PDZD9: variants seen among roughly 807,000 people sequenced by gnomAD.
PDZD9 encodes PDZ domain containing 9, also known as PDZ domain-containing protein 9.
PDZD9 carries 13 observed loss-of-function variants against 16.3 expected under a neutral mutation model. That is an observed-to-expected ratio of 0.80 (90% CI 0.52 to 1.27). The LOEUF (loss-of-function observed/expected upper bound fraction) is 1.27, where lower values mean the gene tolerates loss of function less well. Among genes scored for constraint, PDZD9 ranks in the 50% most tolerant of loss-of-function variants. PDZD9 has a pLI of 0.00. For synonymous variants in PDZD9, 120 were observed against 111.0 expected (o/e 1.08, Z -0.51); for missense variants, 288 against 310.9 (o/e 0.93, Z 0.55).
In PDZD9 at chr16:22,001,040, T is replaced by G; in HGVS notation, c.8A>C (p.Lys3Thr). 6.5e-7 allele frequency: 1 copy of G among 1,532,248 alleles called. No homozygotes were observed. Among genetic ancestry groups the G allele is most frequent in the Non-Finnish European group, 8.7e-7 (1 of 1,145,476 alleles). 94.9% of individuals were successfully genotyped at this position (1,532,248 alleles called of 1,614,324 possible). A position where few individuals can be genotyped will look rare whatever the true frequency, so the allele number is the denominator to read the frequency against. The change falls in exon 1 of 4, where the codon AAG (lysine) becomes ACG (threonine). Residue 3 changes from lysine (K) to threonine (T), a missense_variant. By Grantham distance (78) the Lys-to-Thr change is moderately conservative. Transcript: ENST00000424898. MQKASHKNKKERG... is the reference protein window; with the variant it reads MQTASHKNKKERG... ...ACCTTTTTTGTTTTTGTGGGAGGCC[T>G]TCTGCATGGTCCCGGGAGGTCAGGC...
At chr16:21,965,396 C>T in the PDZD9 span, 1 of 1,612,774 alleles carries the variant, frequency 6.2e-7, no homozygotes, top group Non-Finnish European at 8.5e-7. Context: ...TGCTTCTTCA[C>T]TTATCTCACA....
chr16:21,974,662 T>C, the PDZD9 span, among the ~76,000 whole-genome samples: 2 of 152,134 alleles, frequency 1.3e-5, no homozygotes, highest in Non-Finnish European at 2.9e-5. Flanking sequence ...TAGTGGAGCT[T>C]AGACATTCAA....
chr16:21,965,285 C>T, the PDZD9 span: 15 of 770,322 alleles, frequency 1.9e-5, no homozygotes, highest in Admixed American at 2.0e-4. Flanking sequence ...AATTTTAAGT[C>T]CTCTTAACAT....
chr16:22,000,930 G>A lies in PDZD9; in HGVS notation c.31+87C>T, dbSNP rs760925207. Reference sequence around the variant, plus strand: ...AGAGAGGTTATCTCCCAGGCCAAGAGTGCACCGTTGCCATTTTACAGAGGA... The same window carrying A: ...AGAGAGGTTATCTCCCAGGCCAAGAATGCACCGTTGCCATTTTACAGAGGA... On this transcript the variant is annotated intron_variant, in intron 1 of 3. Transcript: ENST00000424898. 1.4e-4 allele frequency: 189 copies of A among 1,370,376 alleles called. 2 individuals carry two copies. Among genetic ancestry groups the A allele is most frequent in the Non-Finnish European group, 3.6e-5 (36 of 1,008,340 alleles). The allele number at this position is 1,370,376 out of a possible 1,614,324, so 84.9% of individuals were successfully genotyped here. A position where few individuals can be genotyped will look rare whatever the true frequency, so the allele number is the denominator to read the frequency against.
intron 3 of PDZD9, 59 bp from the exon 4 acceptor site, chr16:21,984,719 C>G (rs1898833119): frequency 3.7e-6 from 5 of 1,343,992 alleles, no homozygotes; most frequent in Non-Finnish European, 4.9e-6. Flanking sequence ...TTTATGGTCC[C>G]CTAACAAGAT....
Position 21,989,945 on chromosome 16 carries a change from C to T in PDZD9, c.212-1154G>A, listed in dbSNP as rs370903212. ...CTGTGAGTGAGATCCAGCTACTTGA[C>T]ACTCCCACCTGGGTCACTGAACCTG... is the stretch of plus-strand genomic sequence containing the variant. On this transcript the variant is annotated intron_variant, in intron 2 of 3. Transcript: ENST00000424898. Among the ~76,000 whole-genome samples the T allele has an allele frequency of 1.2e-4, 19 of 152,254 alleles. 1 individual carries two copies. Among genetic ancestry groups the T allele is most frequent in the African/African-American group, 4.3e-4 (18 of 41,568 alleles).
chr16:21,972,256 C>T, the PDZD9 span: 5 of 1,199,640 alleles, frequency 4.2e-6, no homozygotes, highest in Non-Finnish European at 5.8e-6. Context: ...GATAGCCAGG[C>T]TTGATTTTAG....
chr16:21,963,050 A>T, the PDZD9 span: 2 of 890,292 alleles, frequency 2.2e-6, no homozygotes, highest in Non-Finnish European at 3.1e-6. Context: ...GTGCAGTGGC[A>T]CGATCTTGGC....
Position 21,988,394 on chromosome 16 carries a change from T to G in PDZD9, c.401+208A>C, listed in dbSNP as rs201413757. Among the ~76,000 whole-genome samples the G allele has an allele frequency of 3.9e-5, 6 of 152,206 alleles. No homozygotes were observed. The East Asian group carries it at 5.8e-4, about 15-fold the overall frequency. ...GACAAAATTCCCAACCGATGACTTG[T>G]TTTTTAACTCCAGGTTGACTTCATC... On this transcript the variant is annotated intron_variant, in intron 3 of 3. Coordinates refer to ENST00000424898, the MANE Select transcript of PDZD9 (RefSeq NM_001363519.1).
Position 21,984,292 on chromosome 16 carries a change from G to T in PDZD9, c.770C>A (p.Ala257Asp), listed in dbSNP as rs768269864. 2 of 1,613,700 alleles carry T rather than the reference G, an allele frequency of 1.2e-6. No homozygotes were observed. Among genetic ancestry groups the T allele is most frequent in the Non-Finnish European group, 1.7e-6 (2 of 1,179,692 alleles). The change falls in exon 4 of 4, where the codon GCC (alanine) becomes GAC (aspartate). Residue 257 changes from alanine to aspartate, a missense_variant. Physicochemically the swap from Ala to Asp is moderately radical, Grantham distance 126. Transcript: ENST00000424898. Reference protein sequence around the residue: ...EDCAQVEEGKAQLVSKVG With the variant: ...EDCAQVEEGKDQLVSKVG ...CTAACCAACCTTTGATACCAGTTGG[G>T]CTTTACCCTCTTCAACTTGGGCACA...
chr16:21,962,603 C>A, the PDZD9 span: 1 of 1,595,666 alleles, frequency 6.3e-7, no homozygotes, highest in Non-Finnish European at 8.6e-7. Flanking sequence ...TCATTATGAC[C>A]TCTGACTTCC....
chr16:21,992,671 T>C (rs928521842), intron 2 of PDZD9, among the ~76,000 whole-genome samples: 1 of 152,188 alleles, frequency 6.6e-6, no homozygotes, highest in Non-Finnish European at 1.5e-5. Context: ...CTCTTGGACT[T>C]ACACCAGTGT....
At chr16:21,993,741 C>A (rs1567488654) in intron 2 of PDZD9, among the ~76,000 whole-genome samples, 1 of 152,118 alleles carries the variant, frequency 6.6e-6, no homozygotes, top group Non-Finnish European at 1.5e-5. Flanking sequence ...TCCACTGGGA[C>A]CCCCATACAG....
chr16:21,994,823 T>C (rs1567489130), intron 2 of PDZD9, among the ~76,000 whole-genome samples: 1 of 151,914 alleles, frequency 6.6e-6, no homozygotes, highest in Non-Finnish European at 1.5e-5. Context: ...CCTCATTAAG[T>C]AAATTTAATT....
the PDZD9 span, among the ~76,000 whole-genome samples, chr16:21,958,955 C>T: frequency 1.3e-5 from 2 of 152,154 alleles, no homozygotes. Flanking sequence ...ACTAAGTGTA[C>T]AATGACATTT....
At chr16:21,967,016 T>G in the PDZD9 span, among the ~76,000 whole-genome samples, 1 of 152,180 alleles carries the variant, frequency 6.6e-6, no homozygotes, top group Non-Finnish European at 1.5e-5. Flanking sequence ...GGTCCCTTTT[T>G]TTTAATAAAA....
chr16:21,977,654 C>T, the PDZD9 span, among the ~76,000 whole-genome samples: 4 of 152,166 alleles, frequency 2.6e-5, no homozygotes, highest in African/African-American at 9.7e-5. Context: ...GGAAATCAAC[C>T]TGCATTTTCA....
chr16:21,962,360 C>T, the PDZD9 span: 1 of 1,417,346 alleles, frequency 7.1e-7, no homozygotes, highest in Non-Finnish European at 9.8e-7. Flanking sequence ...TTTTATACTT[C>T]AGAAATTTTC....
downstream of PDZD9, chr16:21,983,185 A>G (rs997353807): frequency 2.5e-6 from 4 of 1,610,538 alleles, no homozygotes; most frequent in Non-Finnish European, 3.4e-6. Context: ...TGATGCACAC[A>G]TTACAGGAGA....
Sources: gnomAD v4.1 joint callset for allele counts (sites outside exome capture counted in the v4.1 genomes callset) on GRCh38, gnomAD v4.1.1 for gene constraint, MANE v1.5 for transcripts, NCBI Gene and HGNC (gene_info 2026-07-23, HGNC 2026-07-21) for gene names.